The following CSMD1 variants were observed in gnomAD, a reference collection of about 807,000 sequenced individuals.
CSMD1 encodes CUB and Sushi multiple domains 1, also known as CUB and sushi domain-containing protein 1.
CSMD1 carries 213 observed loss-of-function variants against 417.5 expected under a neutral mutation model. The observed-to-expected ratio is 0.51, with a 90% CI of 0.46 to 0.57. CSMD1 has a LOEUF of 0.57. Ranked by LOEUF, CSMD1 falls within the 20% of genes least tolerant of loss-of-function variation. The pLI, the probability that CSMD1 is intolerant of heterozygous loss-of-function variation, is 0.00. For synonymous variants in CSMD1, 2,862 were observed against 1,736.8 expected, an observed-to-expected ratio of 1.65 and a Z score of -16.11; for missense variants, 6,923 against 4,529.7, an observed-to-expected ratio of 1.53 and a Z score of -15.17.
Position 3,867,967 on chromosome 8 carries a change from G to C in CSMD1, c.819-113925C>G, listed in dbSNP as rs1197963365. Among the ~76,000 whole-genome samples the C allele has an allele frequency of 4.6e-5, 7 of 152,150 alleles. No homozygotes were observed. The East Asian group carries it at 1.2e-3, about 25-fold the overall frequency. The stretch of plus-strand genomic sequence containing the variant: ...TTTGTATGTCTTCTCTGGTGTTTAT[G>C]TCACTGTGGGAGACCCAAGATTCTC... On this transcript the variant is annotated intron_variant, in intron 5 of 69. Coordinates refer to ENST00000635120, the MANE Select transcript of CSMD1 (RefSeq NM_033225.6).
intron 7 of CSMD1, among the ~76,000 whole-genome samples, chr8:3,637,340 T>C (rs543667999): frequency 1.3e-4 from 20 of 152,262 alleles, no homozygotes; most frequent in African/African-American, 3.8e-4. Flanking sequence ...ATCTGTAGAA[T>C]GTGGATTCTT....
At chr8:4,184,214 T>C (rs543910875) in intron 3 of CSMD1, among the ~76,000 whole-genome samples, 16 of 152,280 alleles carry the variant, frequency 1.1e-4, no homozygotes, top group Admixed American at 9.2e-4. Flanking sequence ...CCTAAGAGTA[T>C]AACTGTAAGC....
At chr8:4,126,609 A>G (rs1484975282) in intron 3 of CSMD1, among the ~76,000 whole-genome samples, 1 of 152,042 alleles carries the variant, frequency 6.6e-6, no homozygotes, top group East Asian at 1.9e-4. Flanking sequence ...TCATCAATTT[A>G]TACTGCACAT....
intron 33 of CSMD1, among the ~76,000 whole-genome samples, chr8:3,195,452 C>G (rs758688517): frequency 6.6e-6 from 1 of 152,226 alleles, no homozygotes; most frequent in Non-Finnish European, 1.5e-5. Context: ...GGCATAGAAT[C>G]AATGGCCTCT....
chr8:4,004,722 G>A (rs1444380402), intron 4 of CSMD1, among the ~76,000 whole-genome samples: 1 of 151,996 alleles, frequency 6.6e-6, no homozygotes, highest in Non-Finnish European at 1.5e-5. Context: ...TGAGATTGGT[G>A]ACTATTATTC....
chr8:4,680,416 C>T (rs1805964040), intron 1 of CSMD1, among the ~76,000 whole-genome samples: 5 of 152,058 alleles, frequency 3.3e-5, no homozygotes, highest in Admixed American at 3.3e-4. Flanking sequence ...TTTCCTTCAC[C>T]CTTTGAAACT....
intron 10 of CSMD1, among the ~76,000 whole-genome samples, chr8:3,566,783 T>C (rs1343457634): frequency 6.6e-6 from 1 of 152,184 alleles, no homozygotes; most frequent in Non-Finnish European, 1.5e-5. Context: ...ATTTAACAGA[T>C]GCTGGTGAGG....
intron 3 of CSMD1, among the ~76,000 whole-genome samples, chr8:4,411,358 C>G (rs17336085): frequency 0.21 from 31,239 of 151,846 alleles, 3,896 homozygotes; most frequent in Admixed American, 0.3. Context: ...ACCTTGATTT[C>G]TTACATTAAA....
intron 4 of CSMD1, among the ~76,000 whole-genome samples, chr8:4,011,757 G>C (rs1816555772): frequency 6.6e-6 from 1 of 152,086 alleles, no homozygotes. Context: ...TTCTCCCAGT[G>C]GTTACATCTT....
At chr8:4,893,762 C>A (rs1345131676) in intron 1 of CSMD1, among the ~76,000 whole-genome samples, 1 of 152,118 alleles carries the variant, frequency 6.6e-6, no homozygotes, top group African/African-American at 2.4e-5. Flanking sequence ...AATCTATGTG[C>A]TGCTTTCAGA....
chr8:4,464,694 C>G (rs958641139), intron 2 of CSMD1, among the ~76,000 whole-genome samples: 1 of 151,994 alleles, frequency 6.6e-6, no homozygotes, highest in Admixed American at 6.6e-5. Context: ...TAGCCAAACT[C>G]TGTATTGTTG....
chr8:3,418,209 C>A (rs1196107020), intron 12 of CSMD1, among the ~76,000 whole-genome samples: 1 of 152,164 alleles, frequency 6.6e-6, no homozygotes, highest in African/African-American at 2.4e-5. Context: ...TGTGTTTTTC[C>A]TTCCCTTTTG....
chr8:3,008,451 C>G (rs1456068544), intron 52 of CSMD1, among the ~76,000 whole-genome samples: 3 of 152,206 alleles, frequency 2.0e-5, no homozygotes, highest in Non-Finnish European at 4.4e-5. Context: ...CAAGGCCAGC[C>G]TCTCAAAGCC....
At chr8:3,681,063 C>G (rs1467218320) in intron 7 of CSMD1, among the ~76,000 whole-genome samples, 1 of 152,110 alleles carries the variant, frequency 6.6e-6, no homozygotes, top group Non-Finnish European at 1.5e-5. Context: ...CTATTTAAGA[C>G]AAACCCACAG....
At chr8:4,352,864 G>A (rs559469905) in intron 3 of CSMD1, among the ~76,000 whole-genome samples, 23 of 152,196 alleles carry the variant, frequency 1.5e-4, no homozygotes, top group Non-Finnish European at 2.4e-4. Flanking sequence ...TCTTTGTTTT[G>A]TATTGATCGT....
intron 2 of CSMD1, among the ~76,000 whole-genome samples, chr8:4,523,121 C>G (rs1380601920): frequency 6.6e-6 from 1 of 152,178 alleles, no homozygotes; most frequent in African/African-American, 2.4e-5. Flanking sequence ...AAATAATTCT[C>G]ATTATACATC....
chr8:3,348,173 A>G lies in CSMD1; in HGVS notation c.3305-12T>C. The stretch of plus-strand genomic sequence containing the variant: ...TGCTCCACATTCGGCTACAATAAAT[A>G]GGACATGAGAGAAAGAGGATTCAAA... On this transcript the variant is annotated splice_polypyrimidine_tract_variant and intron_variant, in intron 21 of 69. Coordinates refer to ENST00000635120, the MANE Select transcript of CSMD1 (RefSeq NM_033225.6). The G allele has an allele frequency of 1.2e-6, 2 of 1,601,942 alleles. No individual in the cohort carries two copies. The highest frequency in any genetic ancestry group is 2.3e-5 in the South Asian group (2 of 88,622).
intron 3 of CSMD1, among the ~76,000 whole-genome samples, chr8:4,039,870 T>G (rs190576041): frequency 2.6e-5 from 4 of 152,322 alleles, no homozygotes; most frequent in Admixed American, 6.5e-5. Context: ...TTTGTAATGT[T>G]GGACAAATTA....
intron 1 of CSMD1, among the ~76,000 whole-genome samples, chr8:4,942,345 C>T (rs752463377): frequency 6.6e-6 from 1 of 152,086 alleles, no homozygotes; most frequent in African/African-American, 2.4e-5. Flanking sequence ...TAACCCATTG[C>T]TTTCTCGGTA....
Sources: gnomAD v4.1 joint callset for allele counts (sites outside exome capture counted in the v4.1 genomes callset) on GRCh38, gnomAD v4.1.1 for gene constraint, MANE v1.5 for transcripts, NCBI Gene and HGNC (gene_info 2026-07-23, HGNC 2026-07-21) for gene names.